The following GLMN variants were observed in gnomAD, a reference collection of about 807,000 sequenced individuals.
GLMN encodes the protein glomulin.
In GLMN, 75 loss-of-function variants were observed where a neutral mutation model predicts 87.8. The observed-to-expected ratio is 0.85, with a 90% CI of 0.71 to 1.04. The LOEUF (loss-of-function observed/expected upper bound fraction) is 1.04. Among genes scored for constraint, GLMN ranks in the 50% least tolerant of loss-of-function variants. The probability of loss-of-function intolerance (pLI) is 0.00; values close to 1 mark genes in which losing one functional copy is unlikely to be tolerated. For synonymous variants in GLMN, 206 were observed against 221.6 expected, an observed-to-expected ratio of 0.93 and a Z score of 0.63; for missense variants, 588 against 658.8, an observed-to-expected ratio of 0.89 and a Z score of 1.18.
chr1:92,345,829 T>C, the GLMN span: 2 of 1,469,224 alleles, frequency 1.4e-6, no homozygotes, highest in Non-Finnish European at 1.9e-6. Context: ...CTTGGATAAA[T>C]TTTATCTATC....
intron 8 of GLMN, 47 bp downstream of exon 8, chr1:92,271,418 T>G: frequency 4.3e-6 from 6 of 1,400,002 alleles, no homozygotes; most frequent in African/African-American, 1.4e-5. Flanking sequence ...GAGAATTTTA[T>G]GAAATTCCTT....
intron 18 of GLMN, 66 bp from the exon 19 acceptor site, chr1:92,246,712 A>AAAAG (rs1652717387): frequency 7.2e-6 from 6 of 831,364 alleles, no homozygotes; most frequent in Non-Finnish European, 1.3e-5. Flanking sequence ...CAAAACACAG[A>AAAAG]AAAGATTTCA....
chr1:92,345,698 A>G, the GLMN span: 1 of 572,894 alleles, frequency 1.7e-6, no homozygotes, highest in Non-Finnish European at 3.1e-6. Flanking sequence ...ACATTATTAT[A>G]CTATTGACTC....
chr1:92,307,035 C>T, the GLMN span, among the ~76,000 whole-genome samples: 12 of 152,194 alleles, frequency 7.9e-5, no homozygotes, highest in African/African-American at 2.9e-4. Flanking sequence ...TAGAGGCCTT[C>T]AAAGGTTCAG....
At chr1:92,343,157 G>T in the GLMN span, among the ~76,000 whole-genome samples, 13 of 152,190 alleles carry the variant, frequency 8.5e-5, no homozygotes, top group Non-Finnish European at 1.9e-4. Context: ...CAAGGAGAGT[G>T]CTCATGAGAG....
intron 16 of GLMN, among the ~76,000 whole-genome samples, chr1:92,256,507 A>G (rs1654276781): frequency 6.6e-6 from 1 of 152,256 alleles, no homozygotes; most frequent in Middle Eastern, 3.2e-3. Flanking sequence ...AATCCTTAAT[A>G]AAATACTGGC....
the GLMN span, chr1:92,304,145 A>G: frequency 7.7e-7 from 1 of 1,304,076 alleles, no homozygotes; most frequent in Non-Finnish European, 1.1e-6. Flanking sequence ...TTGTTGTAAG[A>G]ATAAGAAATA....
chr1:92,279,356 C>A (rs1570933078), intron 7 of GLMN, among the ~76,000 whole-genome samples: 1 of 148,720 alleles, frequency 6.7e-6, no homozygotes, highest in East Asian at 2.0e-4. Context: ...ACTTGGGAGG[C>A]TGAGGCAGGA....
chr1:92,308,520 A>G, the GLMN span, among the ~76,000 whole-genome samples: 1 of 152,196 alleles, frequency 6.6e-6, no homozygotes, highest in Non-Finnish European at 1.5e-5. Flanking sequence ...TTGCTTCCAA[A>G]GATATTTTCT....
At chr1:92,284,367 G>C (rs1248935897) in intron 7 of GLMN, among the ~76,000 whole-genome samples, 1 of 152,140 alleles carries the variant, frequency 6.6e-6, no homozygotes, top group Non-Finnish European at 1.5e-5. Flanking sequence ...ACAAGCAATG[G>C]GGAAAGGATT....
At chr1:92,329,549 C>CA in the GLMN span, among the ~76,000 whole-genome samples, 36 of 152,226 alleles carry the variant, frequency 2.4e-4, no homozygotes, top group African/African-American at 8.2e-4. Flanking sequence ...CAAGCTGACT[C>CA]ACAGTTCCTT....
chr1:92,334,468 C>A, the GLMN span, among the ~76,000 whole-genome samples: 21 of 152,008 alleles, frequency 1.4e-4, no homozygotes, highest in African/African-American at 5.1e-4. Flanking sequence ...TAAGAAAGTG[C>A]CTTTGTATTT....
intron 16 of GLMN, among the ~76,000 whole-genome samples, chr1:92,259,119 T>G (rs553513973): frequency 6.6e-6 from 1 of 152,166 alleles, no homozygotes; most frequent in African/African-American, 2.4e-5. Context: ...TTACAAACTT[T>G]TTAGAAAAAA....
the GLMN span, among the ~76,000 whole-genome samples, chr1:92,359,661 C>G: frequency 6.6e-6 from 1 of 152,196 alleles, no homozygotes; most frequent in African/African-American, 2.4e-5. Flanking sequence ...GCTGAGACTT[C>G]CTGTTCAATT....
chr1:92,315,668 G>A, the GLMN span, among the ~76,000 whole-genome samples: 1 of 152,144 alleles, frequency 6.6e-6, no homozygotes, highest in Non-Finnish European at 1.5e-5. Context: ...CATTGGTATA[G>A]ATGTTTAAAT....
the GLMN span, among the ~76,000 whole-genome samples, chr1:92,347,200 ATCTTTTG>A: frequency 6.6e-6 from 1 of 152,186 alleles, no homozygotes; most frequent in Non-Finnish European, 1.5e-5. Context: ...ATAAGAACAA[ATCTTTTG>A]TCATTTCTAC....
upstream of GLMN, among the ~76,000 whole-genome samples, chr1:92,300,728 A>AT (rs1650780627): frequency 6.6e-6 from 1 of 152,188 alleles, no homozygotes; most frequent in Admixed American, 6.5e-5. Flanking sequence ...TGTAGCTATG[A>AT]TTTTTATTTT....
At chr1:92,272,972 C>T (rs1229879197) in intron 7 of GLMN, among the ~76,000 whole-genome samples, 2 of 151,758 alleles carry the variant, frequency 1.3e-5, no homozygotes, top group East Asian at 3.9e-4. Flanking sequence ...AGCAGCTCCA[C>T]AAAAAAAGCG....
chr1:92,275,754 T>G (rs528616574), intron 7 of GLMN, among the ~76,000 whole-genome samples: 1 of 152,346 alleles, frequency 6.6e-6, no homozygotes, highest in South Asian at 2.1e-4. Context: ...CTCTATGCAT[T>G]TAACAGTACT....
Sources: allele counts gnomAD v4.1 joint callset (sites outside exome capture counted in the v4.1 genomes callset), GRCh38; gene constraint gnomAD v4.1.1; transcripts MANE v1.5; gene names NCBI Gene and HGNC (gene_info 2026-07-23, HGNC 2026-07-21).